Variants in SLCO2B1 observed in about 807,000 individuals in gnomAD.
SLCO2B1 encodes OATP-RP2.
SLCO2B1 carries 41 observed loss-of-function variants against 67.3 expected under a neutral mutation model. That is an observed-to-expected ratio of 0.61 (90% CI 0.47 to 0.79). SLCO2B1 has a LOEUF of 0.79. SLCO2B1 is among the 30% of genes least tolerant of loss of function. The pLI is 0.00. For synonymous variants in SLCO2B1, 379 were observed against 381.4 expected (o/e 0.99, Z 0.07); for missense variants, 837 against 920.1 (o/e 0.91, Z 1.17).
At chr11:75,188,059 C>A in intron 7 of SLCO2B1, 77 bp from the exon 8 acceptor site, 1 of 954,168 alleles carries the variant, frequency 1.0e-6, no homozygotes, top group Non-Finnish European at 1.7e-6. Context: ...CAAGACCTCT[C>A]CTCCCCAGCC....
rs954394359 is a variant in SLCO2B1 at position 75,200,624 on chromosome 11, A to G, written c.1763+237A>G. On this transcript the variant is annotated intron_variant, in intron 11 of 13. Transcript: ENST00000289575. ...GTTCAGGAGCTGGCCCCCATCACAT[A>G]GCAAGTGTTGGGTGGAATAGTACTG... The G allele has an allele frequency of 1.6e-5, 7 of 450,994 alleles. No homozygotes were observed. In the Admixed American group the frequency reaches 2.4e-4, roughly 15 times the overall value. 27.9% of individuals were successfully genotyped at this position (450,994 alleles called of 1,614,324 possible).
chr11:75,170,766 T>G (rs1002218595), intron 6 of SLCO2B1, among the ~76,000 whole-genome samples: 1 of 152,202 alleles, frequency 6.6e-6, no homozygotes, highest in Non-Finnish European at 1.5e-5. Context: ...GTGTGGGCTC[T>G]GGCTGCGACC....
rs569401825 is a variant in SLCO2B1, at chr11:75,176,812, G to A, written c.972+4243G>A. ...GCAGCATCTGTGAGTTCTGAGGTGC[G>A]CAGGCCTCCTAGTGCCCAGGGCCTC... is the stretch of plus-strand genomic sequence containing the variant. On this transcript the variant is annotated intron_variant, in intron 7 of 13. Coordinates refer to ENST00000289575, the MANE Select transcript of SLCO2B1 (RefSeq NM_007256.5). Among the ~76,000 whole-genome samples, 392 of 152,310 alleles carry A rather than the reference G, an allele frequency of 2.6e-3. 3 individuals carry two copies. The highest frequency in any genetic ancestry group is 8.8e-3 in the African/African-American group (366 of 41,566).
chr11:75,197,570 T>C (rs1945118542), intron 10 of SLCO2B1, among the ~76,000 whole-genome samples: 1 of 152,202 alleles, frequency 6.6e-6, no homozygotes, highest in African/African-American at 2.4e-5. Context: ...GTGGGGACTT[T>C]CTGGAGAGCA....
chr11:75,200,175 G>C, intron 10 of SLCO2B1, 49 bp from the exon 11 acceptor site: 1 of 1,556,922 alleles, frequency 6.4e-7, no homozygotes, highest in Non-Finnish European at 8.7e-7. Flanking sequence ...TTGGCCAGCT[G>C]CCTGCCCTTG....
At chr11:75,202,788 T>G in intron 11 of SLCO2B1, 113 bp from the exon 12 acceptor site, 1 of 897,812 alleles carries the variant, frequency 1.1e-6, no homozygotes, top group Non-Finnish European at 1.9e-6. Context: ...GGAGAGAGGC[T>G]GGCTCTGGGT....
chr11:75,169,706 C>T lies in SLCO2B1; in HGVS notation c.723C>T (p.Ala241=), dbSNP rs145628374. 5.6e-5 allele frequency: 90 copies of T among 1,614,144 alleles called. No individual in the cohort carries two copies. The highest frequency in any genetic ancestry group is 7.5e-5 in the Non-Finnish European group (88 of 1,180,008). ...TGACCATGATGGGGCCAGGCCTGGCCTTTGGGCTGGGCAGCCTCATGCTGC... is the reference window on the plus strand; with the variant it reads ...TGACCATGATGGGGCCAGGCCTGGCTTTTGGGCTGGGCAGCCTCATGCTGC... ...FAVTMMGPGL[A]FGLGSLMLRL... The change falls in exon 6 of 14, where the codon GCC becomes GCT. Residue 241 remains alanine, a synonymous_variant. Coordinates refer to ENST00000289575, the MANE Select transcript of SLCO2B1 (RefSeq NM_007256.5).
intron 7 of SLCO2B1, 146 bp from the exon 8 acceptor site, chr11:75,187,990 G>C (rs1944962990): frequency 1.1e-5 from 6 of 558,688 alleles, no homozygotes; most frequent in South Asian, 2.5e-5. Context: ...AGAACAAATG[G>C]AACACTGCAG....
At chr11:75,179,849 G>A (rs1437009075) in intron 7 of SLCO2B1, among the ~76,000 whole-genome samples, 3 of 151,294 alleles carry the variant, frequency 2.0e-5, no homozygotes, top group Admixed American at 1.3e-4. Context: ...CAATTCTCCT[G>A]CGTCATCCTC....
At chr11:75,186,573 G>A (rs1944936203) in intron 7 of SLCO2B1, among the ~76,000 whole-genome samples, 1 of 151,642 alleles carries the variant, frequency 6.6e-6, no homozygotes, top group Non-Finnish European at 1.5e-5. Context: ...GGCTGGTCTT[G>A]AACTCCTGGG....
At chr11:75,198,422 G>A (rs1055066183) in intron 10 of SLCO2B1, among the ~76,000 whole-genome samples, 8 of 152,202 alleles carry the variant, frequency 5.3e-5, no homozygotes, top group Admixed American at 2.0e-4. Flanking sequence ...GCCACATAAC[G>A]TTATCCATGA....
chr11:75,195,306 C>T (rs1945083588), intron 9 of SLCO2B1, among the ~76,000 whole-genome samples: 1 of 152,196 alleles, frequency 6.6e-6, no homozygotes, highest in Admixed American at 6.5e-5. Flanking sequence ...TTGGCAGAGT[C>T]CCCTGGCACT....
In SLCO2B1 at chr11:75,204,568, T is replaced by C. The variant is rs1591842061; in HGVS notation, c.2118T>C (p.Asp706=). 1.2e-6 allele frequency: 2 copies of C among 1,609,394 alleles called. No homozygotes were observed. Among genetic ancestry groups the C allele is most frequent in the East Asian group, 4.5e-5 (2 of 44,798 alleles). ...LVSGPGKKPE[D]SRV is the part of the protein sequence containing the mutation. ...CGGGGCCAGGGAAGAAGCCAGAGGA[T>C]TCCCGAGTGTGAGCTGTCTTGGGGC... Residue 706 remains aspartate (D), a synonymous_variant, in exon 14 of 14, where the codon GAT becomes GAC. Transcript: ENST00000289575.
At chr11:75,159,578 C>A (rs1019153068) in intron 1 of SLCO2B1, among the ~76,000 whole-genome samples, 10 of 152,174 alleles carry the variant, frequency 6.6e-5, no homozygotes, top group African/African-American at 1.9e-4. Flanking sequence ...GTCAGGGAGG[C>A]GAAGGTTTGC....
intron 7 of SLCO2B1, among the ~76,000 whole-genome samples, chr11:75,173,145 C>T (rs1181326581): frequency 6.6e-6 from 1 of 152,154 alleles, no homozygotes; most frequent in African/African-American, 2.4e-5. Context: ...TGAGCCCATG[C>T]CCCCATACTA....
rs1301886517 is a variant in SLCO2B1, at chr11:75,160,624, C to T, written c.17-2031C>T. Among the ~76,000 whole-genome samples, 27 of 152,230 alleles carry T rather than the reference C, an allele frequency of 1.8e-4. 1 individual carries two copies. Among genetic ancestry groups the T allele is most frequent in the Non-Finnish European group, 1.5e-5 (1 of 68,044 alleles). On this transcript the variant is annotated intron_variant, in intron 1 of 13. Transcript: ENST00000289575. Reference sequence around the variant, plus strand: ...CTCCCACTGAGTGTCCCATGACACTCCTCTTCCCTAGGCCAATTTCCCGTC... The same window carrying T: ...CTCCCACTGAGTGTCCCATGACACTTCTCTTCCCTAGGCCAATTTCCCGTC...
In SLCO2B1 at chr11:75,151,697, C is replaced by T. The variant is rs1276030693; in HGVS notation, c.16+300C>T. The stretch of plus-strand genomic sequence containing the variant: ...CAGGCCCCTGACCCCCTCTTCAAGC[C>T]GTTTCCCCTCTCAAAGGAGACAAAG... On this transcript the variant is annotated intron_variant, in intron 1 of 13. Coordinates refer to ENST00000289575, the MANE Select transcript of SLCO2B1 (RefSeq NM_007256.5). 4.3e-5 allele frequency: 21 copies of T among 485,346 alleles called. No homozygotes were observed. The South Asian group carries it at 4.3e-4, about 10-fold the overall frequency. 30.1% of individuals were successfully genotyped at this position (485,346 alleles called of 1,614,324 possible). A position where few individuals can be genotyped will look rare whatever the true frequency, so the allele number is the denominator to read the frequency against.
chr11:75,177,144 A>C (rs532237403), intron 7 of SLCO2B1, among the ~76,000 whole-genome samples: 2 of 152,040 alleles, frequency 1.3e-5, no homozygotes, highest in East Asian at 3.9e-4. Context: ...GAGGGGCATC[A>C]CCGAGCAGGG....
At chr11:75,202,810 A>G in intron 11 of SLCO2B1, 91 bp from the exon 12 acceptor site, 1 of 1,098,412 alleles carries the variant, frequency 9.1e-7, no homozygotes, top group Non-Finnish European at 1.4e-6. Context: ...GTGGGAGAGA[A>G]GGGCATAATA....
Sources: gnomAD v4.1 joint callset for allele counts (sites outside exome capture counted in the v4.1 genomes callset) on GRCh38, gnomAD v4.1.1 for gene constraint, MANE v1.5 for transcripts, NCBI Gene and HGNC (gene_info 2026-07-23, HGNC 2026-07-21) for gene names.